The following SHPRH variants were observed in gnomAD, a reference collection of about 807,000 sequenced individuals.
The protein encoded by SHPRH is E3 ubiquitin-protein ligase SHPRH.
Under a neutral mutation model 202.5 loss-of-function variants are expected in SHPRH, and 106 were observed. The ratio of observed to expected loss-of-function variants is 0.52; its 90% CI spans 0.45 to 0.62. SHPRH has a LOEUF of 0.62. Among genes scored for constraint, SHPRH ranks in the 20% least tolerant of loss-of-function variants. The probability of loss-of-function intolerance (pLI) is 0.00; values close to 1 mark genes in which losing one functional copy is unlikely to be tolerated. For missense variants in SHPRH, 1,710 were observed against 2,020.0 expected (o/e 0.85, Z 2.94); for synonymous variants, 729 against 686.0 (o/e 1.06, Z -0.98).
intron 28 of SHPRH, among the ~76,000 whole-genome samples, chr6:145,890,537 T>G (rs1243711901): frequency 1.3e-5 from 2 of 152,162 alleles, no homozygotes; most frequent in Non-Finnish European, 2.9e-5. Context: ...CCTAACTCAC[T>G]GTTTGATCTT....
At position 145,924,809 on chromosome 6, in the gene SHPRH, T is replaced by C. The variant is rs372755331; in HGVS notation, c.3332A>G (p.Asn1111Ser). 3.1e-6 allele frequency: 5 copies of C among 1,611,736 alleles called. No individual in the cohort carries two copies. The African/African-American group carries it at 6.7e-5, about 22-fold the overall frequency. The part of the protein sequence containing the change: ...QLREHYMSKC[N>S]TEVAEAQQAL... ...TTGCTGGGCTTCAGCAACTTCTGTA[T>C]TACACTTGCTCATGTAGTGCTCTCG... is the stretch of plus-strand genomic sequence containing the variant. The change falls in exon 17 of 30, where the codon AAT becomes AGT. Residue 1111 changes from asparagine (N) to serine (S), a missense_variant. This residue lies in a region of SHPRH where 288 missense variants were observed against 317.8 expected (regional missense o/e 0.91). Transcript: ENST00000275233.
At chr6:145,862,370 C>A (rs547401119), downstream of SHPRH, among the ~76,000 whole-genome samples, 80 of 151,790 alleles carry the variant, frequency 5.3e-4, no homozygotes, top group African/African-American at 1.7e-3. Flanking sequence ...AGGAGAATGG[C>A]GTGAACCCGG....
At position 145,927,282 on chromosome 6, in the gene SHPRH, A is replaced by C. The variant is rs1332270147; in HGVS notation, c.3113-5T>G. ...CTGCTGCCAAGGCATACTCACCTAA[A>C]GAATTAAAATGTATTTAAAGCATAC... On this transcript the variant is annotated splice_region_variant and splice_polypyrimidine_tract_variant and intron_variant, in intron 14 of 29. Coordinates refer to ENST00000275233, the MANE Select transcript of SHPRH (RefSeq NM_001042683.3). 2 of 1,610,456 alleles carry C rather than the reference A, an allele frequency of 1.2e-6. No individual in the cohort carries two copies. The highest frequency in any genetic ancestry group is 2.7e-5 in the African/African-American group (2 of 74,850).
At chr6:145,909,071 T>TCTGAGGTCTCTGTTCTG (rs1281380301) in intron 25 of SHPRH, 28 of 152,114 alleles carry the variant, frequency 1.8e-4, no homozygotes, top group African/African-American at 6.5e-4. Context: ...TGGTATTATT[T>TCTGAGGTCTCTGTTCTG]CTGAGGTCTC....
downstream of SHPRH, chr6:145,883,417 C>A (rs370703690): frequency 1.3e-5 from 2 of 152,240 alleles, no homozygotes; most frequent in South Asian, 4.1e-4. Flanking sequence ...CTGCCAAGTA[C>A]TCGTGCTATT....
At chr6:145,947,979 G>C (rs1787574511) in intron 5 of SHPRH, among the ~76,000 whole-genome samples, 1 of 151,708 alleles carries the variant, frequency 6.6e-6, no homozygotes, top group South Asian at 2.1e-4. Context: ...TGATTACTAA[G>C]AAAAAATAAA....
intron 22 of SHPRH, 132 bp from the exon 23 acceptor site, chr6:145,918,364 G>C: frequency 2.0e-6 from 1 of 505,148 alleles, no homozygotes; most frequent in Non-Finnish European, 3.1e-6. Context: ...TAAAACACAA[G>C]TTTTCAAAAT....
In SHPRH at chr6:145,886,757, C is replaced by T; in HGVS notation, c.4986G>A (p.Glu1662=). 6.2e-7 allele frequency: 1 copy of T among 1,613,672 alleles called. No homozygotes were observed. Among genetic ancestry groups the T allele is most frequent in the African/African-American group, 1.3e-5 (1 of 75,018 alleles). The change falls in exon 30 of 30, where the codon GAG becomes GAA. Residue 1662 remains glutamate (E), a synonymous_variant. Transcript: ENST00000275233. ...GGTCAGCCACAGTCAAGACAGAGGC[C>T]TCTGAATGCTTTGCTGATGAGTTCG... ...SHTNSSAKHS[E]ASVLTVADLA...
At position 145,963,112 on chromosome 6, in the gene SHPRH, G is replaced by A. The variant is rs966386387; in HGVS notation, c.-33+619C>T. Among the ~76,000 whole-genome samples, 4 of 152,134 alleles carry A rather than the reference G, an allele frequency of 2.6e-5. 1 individual carries two copies. Among genetic ancestry groups the A allele is most frequent in the African/African-American group, 9.7e-5 (4 of 41,410 alleles). On this transcript the variant is annotated intron_variant, in intron 1 of 29. Coordinates refer to ENST00000275233, the MANE Select transcript of SHPRH (RefSeq NM_001042683.3). ...CAATTGCCAGCTTACTGGTTAACTG[G>A]TCCTTTAAAGCTCTAGAAAGTGCAG...
At chr6:145,928,248 C>T (rs1333106438) in intron 14 of SHPRH, among the ~76,000 whole-genome samples, 1 of 151,856 alleles carries the variant, frequency 6.6e-6, no homozygotes, top group African/African-American at 2.4e-5. Context: ...TTGATGATAT[C>T]TCAATAAAGT....
At chr6:145,917,820 A>C (rs1395533878) in intron 23 of SHPRH, 3 of 206,262 alleles carry the variant, frequency 1.5e-5, no homozygotes, top group Non-Finnish European at 1.9e-5. Context: ...GCATGTGTAT[A>C]AATTGCATTA....
intron 4 of SHPRH, among the ~76,000 whole-genome samples, chr6:145,949,470 G>A (rs562708906): frequency 6.6e-6 from 1 of 152,122 alleles, no homozygotes; most frequent in South Asian, 2.1e-4. Context: ...ATTATCCCAA[G>A]TGAAGTAACT....
At chr6:145,900,660 A>G (rs1453268763) in intron 25 of SHPRH, among the ~76,000 whole-genome samples, 1 of 152,134 alleles carries the variant, frequency 6.6e-6, no homozygotes, top group Non-Finnish European at 1.5e-5. Context: ...TCCCCATTGG[A>G]TATCAAGATC....
chr6:145,869,960 C>T (rs185045626), intron 2 of SHPRH, among the ~76,000 whole-genome samples: 1 of 151,710 alleles, frequency 6.6e-6, no homozygotes, highest in Non-Finnish European at 1.5e-5. Context: ...GAATATTGAG[C>T]CTTGCTATCC....
At chr6:145,878,103 T>TA (rs1320495691) in intron 2 of SHPRH, 3 of 152,216 alleles carry the variant, frequency 2.0e-5, no homozygotes, top group African/African-American at 7.2e-5. Flanking sequence ...TCTTTTCATC[T>TA]ACAAGTCATG....
intron 27 of SHPRH, 144 bp from the exon 28 acceptor site, chr6:145,893,537 C>T (rs1339502480): frequency 4.2e-6 from 3 of 713,834 alleles, no homozygotes; most frequent in Non-Finnish European, 6.2e-6. Context: ...AAATTACCAA[C>T]TTTAGAAAAT....
downstream of SHPRH, among the ~76,000 whole-genome samples, chr6:145,860,775 G>A (rs1021038213): frequency 7.9e-5 from 12 of 152,150 alleles, no homozygotes; most frequent in South Asian, 1.5e-3. Flanking sequence ...AATCAAAACA[G>A]TATGGTACTG....
chr6:145,880,369 CT>C (rs1378045778), downstream of SHPRH, among the ~76,000 whole-genome samples: 1 of 152,056 alleles, frequency 6.6e-6, no homozygotes, highest in African/African-American at 2.4e-5. Flanking sequence ...TGGCTCATGC[CT>C]GTAATCTTAG....
At chr6:145,895,921 G>T (rs1781977139) in intron 25 of SHPRH, among the ~76,000 whole-genome samples, 1 of 151,934 alleles carries the variant, frequency 6.6e-6, no homozygotes, top group South Asian at 2.1e-4. Flanking sequence ...AAACACTCAA[G>T]AACTTATTAT....
Sources: allele counts gnomAD v4.1 joint callset (sites outside exome capture counted in the v4.1 genomes callset), GRCh38; gene constraint gnomAD v4.1.1; regional missense constraint gnomAD v4.1.1; transcripts MANE v1.5; gene names NCBI Gene and HGNC (gene_info 2026-07-23, HGNC 2026-07-21).